ANTXR1: variants seen among roughly 807,000 people sequenced by gnomAD.
ANTXR1 encodes the protein ANTXR cell adhesion molecule 1.
ANTXR1 carries 19 observed loss-of-function variants against 78.1 expected under a neutral mutation model. The observed-to-expected ratio is 0.24, with a 90% CI of 0.17 to 0.36. The LOEUF is 0.36. ANTXR1 is among the 10% of genes least tolerant of loss of function. ANTXR1 has a pLI of 1.00. For synonymous variants in ANTXR1, 273 were observed against 260.5 expected (o/e 1.05, Z -0.46); for missense variants, 518 against 718.6 (o/e 0.72, Z 3.19).
chr2:69,152,923 C>G (rs1005131183), intron 13 of ANTXR1, among the ~76,000 whole-genome samples: 8 of 152,180 alleles, frequency 5.3e-5, no homozygotes, highest in African/African-American at 1.9e-4. Context: ...CTGGAATAAT[C>G]CACCCTGACG....
chr2:69,135,746 A>G (rs79991423), intron 12 of ANTXR1, among the ~76,000 whole-genome samples: 3,349 of 152,278 alleles, frequency 0.022, 125 homozygotes, highest in African/African-American at 0.076. Context: ...AAAAATTGAT[A>G]GAATTGCAAA....
At chr2:69,142,905 G>A (rs73934757) in intron 12 of ANTXR1, among the ~76,000 whole-genome samples, 2 of 152,160 alleles carry the variant, frequency 1.3e-5, no homozygotes, top group Admixed American at 6.5e-5. Flanking sequence ...AGCAGTCCAC[G>A]AATAGATTCC....
chr2:69,097,680 C>T (rs1270453374), intron 9 of ANTXR1, among the ~76,000 whole-genome samples: 3 of 152,200 alleles, frequency 2.0e-5, no homozygotes, highest in Non-Finnish European at 1.5e-5. Flanking sequence ...TTGGTAGTTT[C>T]TTACAAAATT....
intron 17 of ANTXR1, among the ~76,000 whole-genome samples, chr2:69,220,904 G>T (rs76334553): frequency 0.041 from 6,248 of 152,270 alleles, 454 homozygotes; most frequent in African/African-American, 0.14. Context: ...ACCTCAAATA[G>T]AAAGGGTGAT....
At chr2:69,068,636 G>T (rs1312848010) in intron 3 of ANTXR1, among the ~76,000 whole-genome samples, 1 of 152,220 alleles carries the variant, frequency 6.6e-6, no homozygotes, top group Non-Finnish European at 1.5e-5. Context: ...GCACTGGAAG[G>T]TCATGAAAAG....
chr2:69,139,826 C>A (rs1410358607), intron 12 of ANTXR1, among the ~76,000 whole-genome samples: 3 of 152,116 alleles, frequency 2.0e-5, no homozygotes, highest in Non-Finnish European at 4.4e-5. Flanking sequence ...GCTACATTAA[C>A]GGTAAGTAAA....
At chr2:69,230,031 G>A (rs1232938955) in intron 17 of ANTXR1, among the ~76,000 whole-genome samples, 2 of 152,162 alleles carry the variant, frequency 1.3e-5, no homozygotes, top group African/African-American at 4.8e-5. Flanking sequence ...CACCTCTAAA[G>A]TATACTACCC....
chr2:69,081,871 C>T (rs1404296808), intron 8 of ANTXR1, among the ~76,000 whole-genome samples: 1 of 152,236 alleles, frequency 6.6e-6, no homozygotes, highest in Non-Finnish European at 1.5e-5. Context: ...CTTGAATCCT[C>T]ACAGGTGCCA....
chr2:69,087,697 T>G (rs187601915), intron 8 of ANTXR1, among the ~76,000 whole-genome samples: 2 of 152,164 alleles, frequency 1.3e-5, no homozygotes, highest in East Asian at 3.9e-4. Context: ...TCTCTTCCAC[T>G]GCATCTAGTG....
At chr2:69,194,073 A>T (rs994523509) in intron 17 of ANTXR1, among the ~76,000 whole-genome samples, 3 of 152,240 alleles carry the variant, frequency 2.0e-5, no homozygotes, top group Admixed American at 2.0e-4. Context: ...GTAAATGAAG[A>T]AAGAAAAACA....
chr2:69,236,732 C>A (rs980198304), intron 17 of ANTXR1, among the ~76,000 whole-genome samples: 1 of 152,176 alleles, frequency 6.6e-6, no homozygotes. Context: ...AAATTAGATA[C>A]ACTCTTAATA....
At chr2:69,138,242 A>G (rs1012148826) in intron 12 of ANTXR1, among the ~76,000 whole-genome samples, 5 of 152,102 alleles carry the variant, frequency 3.3e-5, no homozygotes, top group African/African-American at 1.2e-4. Flanking sequence ...ATCTGAGAGG[A>G]TCTCCTTTCT....
At chr2:69,172,018 T>G (rs190865436) in intron 14 of ANTXR1, among the ~76,000 whole-genome samples, 1 of 152,192 alleles carries the variant, frequency 6.6e-6, no homozygotes, top group African/African-American at 2.4e-5. Context: ...CCCCTGTCAC[T>G]CTATCAAAGG....
chr2:69,029,368 TATAAGAG>T (rs1671457751), intron 1 of ANTXR1, among the ~76,000 whole-genome samples: 1 of 150,234 alleles, frequency 6.7e-6, no homozygotes, highest in African/African-American at 2.4e-5. Context: ...AGAGAACACT[TATAAGAG>T]ATACAATAAA....
chr2:69,043,249 G>A (rs1161560348), intron 2 of ANTXR1, among the ~76,000 whole-genome samples: 6 of 152,042 alleles, frequency 3.9e-5, no homozygotes, highest in Non-Finnish European at 8.8e-5. Flanking sequence ...TCATCTTTCA[G>A]GGCCTCAATT....
intron 12 of ANTXR1, chr2:69,135,280 C>A: frequency 6.3e-6 from 1 of 159,722 alleles, no homozygotes; most frequent in South Asian, 1.7e-4. Flanking sequence ...TTTGACATTT[C>A]CTTGTTTTGA....
chr2:69,120,040 A>C (rs991279614), intron 10 of ANTXR1, among the ~76,000 whole-genome samples: 1 of 152,234 alleles, frequency 6.6e-6, no homozygotes, highest in Non-Finnish European at 1.5e-5. Flanking sequence ...AGTTGAAAAT[A>C]CCATAACTCA....
At chr2:69,122,351 T>C (rs1226914779) in intron 10 of ANTXR1, among the ~76,000 whole-genome samples, 2 of 152,216 alleles carry the variant, frequency 1.3e-5, no homozygotes, top group African/African-American at 4.8e-5. Context: ...AAGTCATTTG[T>C]CAGCAAACTT....
intron 3 of ANTXR1, among the ~76,000 whole-genome samples, chr2:69,062,280 A>C (rs1214208301): frequency 6.6e-6 from 1 of 152,224 alleles, no homozygotes; most frequent in African/African-American, 2.4e-5. Flanking sequence ...TTTCCAAGAA[A>C]GCAGCAGTGG....
Sources: gnomAD v4.1 joint callset for allele counts (sites outside exome capture counted in the v4.1 genomes callset) on GRCh38, gnomAD v4.1.1 for gene constraint, MANE v1.5 for transcripts, NCBI Gene and HGNC (gene_info 2026-07-23, HGNC 2026-07-21) for gene names.